COMMD10: variants seen among roughly 807,000 people sequenced by gnomAD.
The protein encoded by COMMD10 is COMM domain-containing protein 10.
COMMD10 carries 33 observed loss-of-function variants against 28.9 expected under a neutral mutation model. The observed-to-expected ratio is 1.14, with a 90% CI of 0.87 to 1.53. COMMD10 has a LOEUF of 1.53. Among genes scored for constraint, COMMD10 ranks in the 40% most tolerant of loss-of-function variants. COMMD10 has a pLI of 0.00. For synonymous variants in COMMD10, 110 were observed against 81.7 expected, an observed-to-expected ratio of 1.35 and a Z score of -1.87; for missense variants, 310 against 233.4, an observed-to-expected ratio of 1.33 and a Z score of -2.14.
intron 5 of COMMD10, among the ~76,000 whole-genome samples, chr5:116,149,145 G>T (rs1463463582): frequency 1.4e-5 from 2 of 147,606 alleles, no homozygotes; most frequent in Non-Finnish European, 3.0e-5. Flanking sequence ...TGAGAATGAT[G>T]ATATCCAATT....
At chr5:116,259,655 A>G (rs1750388149) in intron 5 of COMMD10, among the ~76,000 whole-genome samples, 1 of 151,896 alleles carries the variant, frequency 6.6e-6, no homozygotes, top group Non-Finnish European at 1.5e-5. Flanking sequence ...TGTACTATGT[A>G]GATTCTCATT....
At chr5:116,151,183 C>A (rs1273516585) in intron 5 of COMMD10, among the ~76,000 whole-genome samples, 1 of 151,612 alleles carries the variant, frequency 6.6e-6, no homozygotes, top group Non-Finnish European at 1.5e-5. Context: ...GTATATTGAA[C>A]CAGCCTTGCA....
chr5:116,226,839 T>C (rs141080369), intron 5 of COMMD10, among the ~76,000 whole-genome samples: 64 of 152,318 alleles, frequency 4.2e-4, no homozygotes, highest in Non-Finnish European at 5.0e-4. Context: ...TCCTATTTTC[T>C]GTTAAAGTTG....
chr5:116,192,506 T>G (rs1335651280), intron 5 of COMMD10, among the ~76,000 whole-genome samples: 1 of 152,004 alleles, frequency 6.6e-6, no homozygotes, highest in Admixed American at 6.6e-5. Context: ...TTGGACAAAC[T>G]TATAGAAATG....
At chr5:116,251,313 T>G (rs1446342394) in intron 5 of COMMD10, among the ~76,000 whole-genome samples, 2 of 149,468 alleles carry the variant, frequency 1.3e-5, no homozygotes, top group East Asian at 3.9e-4. Context: ...TTATTATACT[T>G]TAAGTTTTAG....
chr5:116,181,667 C>T (rs1183039818), intron 5 of COMMD10, among the ~76,000 whole-genome samples: 1 of 151,802 alleles, frequency 6.6e-6, no homozygotes, highest in Non-Finnish European at 1.5e-5. Flanking sequence ...AAGGACCATA[C>T]TTTGAGAATC....
intron 5 of COMMD10, among the ~76,000 whole-genome samples, chr5:116,205,305 A>G (rs143077621): frequency 6.6e-6 from 1 of 152,286 alleles, no homozygotes; most frequent in African/African-American, 2.4e-5. Flanking sequence ...ATATAAAAGA[A>G]TTCTGCAGTC....
chr5:116,086,403 C>T (rs1195205630), intron 1 of COMMD10, among the ~76,000 whole-genome samples: 2 of 152,156 alleles, frequency 1.3e-5, no homozygotes, highest in Non-Finnish European at 2.9e-5. Context: ...AGGAAAGGTG[C>T]TGTGGCTCAT....
chr5:116,242,853 A>G lies in COMMD10; in HGVS notation c.511-48664A>G, dbSNP rs192273127. Among the ~76,000 whole-genome samples, 46 of 152,256 alleles carry G rather than the reference A, an allele frequency of 3.0e-4. 1 individual carries two copies. Among genetic ancestry groups the G allele is most frequent in the African/African-American group, 8.2e-4 (34 of 41,552 alleles). On this transcript the variant is annotated intron_variant, in intron 5 of 6. Coordinates refer to ENST00000274458, the MANE Select transcript of COMMD10 (RefSeq NM_016144.4). Reference sequence around the variant, plus strand: ...GTATTAAGCTAATATAAGAAAAGTAAATAATAATCGTTGGATAGGCTTCAA... The same window carrying G: ...GTATTAAGCTAATATAAGAAAAGTAGATAATAATCGTTGGATAGGCTTCAA...
At chr5:116,196,258 C>A (rs1184579887) in intron 5 of COMMD10, among the ~76,000 whole-genome samples, 1 of 152,038 alleles carries the variant, frequency 6.6e-6, no homozygotes, top group Non-Finnish European at 1.5e-5. Flanking sequence ...GGAAAACCGA[C>A]CATTGTGCGT....
chr5:116,127,900 A>G (rs1325117867), intron 4 of COMMD10, among the ~76,000 whole-genome samples: 3 of 152,136 alleles, frequency 2.0e-5, no homozygotes, highest in Admixed American at 1.3e-4. Flanking sequence ...CGTTGTGCAC[A>G]TGTACCCTAG....
At chr5:116,217,336 G>T (rs937617637) in intron 5 of COMMD10, among the ~76,000 whole-genome samples, 1 of 152,106 alleles carries the variant, frequency 6.6e-6, no homozygotes, top group Non-Finnish European at 1.5e-5. Flanking sequence ...TTCTTCAATG[G>T]ACTACCGAAA....
intron 3 of COMMD10, among the ~76,000 whole-genome samples, chr5:116,091,783 C>G (rs1469372078): frequency 6.6e-6 from 1 of 152,144 alleles, no homozygotes; most frequent in African/African-American, 2.4e-5. Flanking sequence ...TTTTGTGTAT[C>G]TTATATAAGC....
chr5:116,150,448 AGTATGG>A (rs969219388), intron 5 of COMMD10, among the ~76,000 whole-genome samples: 1 of 152,162 alleles, frequency 6.6e-6, no homozygotes, highest in Non-Finnish European at 1.5e-5. Context: ...TACCTTGGGA[AGTATGG>A]CTATTTTCAT....
chr5:116,155,092 T>C (rs6594955), intron 5 of COMMD10, among the ~76,000 whole-genome samples: 128,166 of 152,142 alleles, frequency 0.84, 54,323 homozygotes, highest in African/African-American at 0.92. Flanking sequence ...CCTGGAAACA[T>C]ATGAGACCTT....
intron 2 of COMMD10, among the ~76,000 whole-genome samples, chr5:116,089,672 C>T (rs555720092): frequency 9.9e-5 from 15 of 152,194 alleles, no homozygotes; most frequent in African/African-American, 3.6e-4. Flanking sequence ...GAATGCTTTG[C>T]CATCAGAGGT....
At position 116,087,444 on chromosome 5, in the gene COMMD10, G is replaced by T. The variant is rs1414285507; in HGVS notation, c.42-53G>T. ...AAACTTATAGACAACTATAGAAAGT[G>T]CAGTTCAACTTGGAAAACTCATTTC... On this transcript the variant is annotated intron_variant, in intron 1 of 6. Transcript: ENST00000274458. 4.0e-6 allele frequency: 4 copies of T among 1,009,478 alleles called. 1 individual carries two copies. Among genetic ancestry groups the T allele is most frequent in the African/African-American group, 1.6e-5 (1 of 63,246 alleles). 62.5% of individuals were successfully genotyped at this position (1,009,478 alleles called of 1,614,324 possible).
intron 5 of COMMD10, among the ~76,000 whole-genome samples, chr5:116,201,189 G>T (rs1748657005): frequency 1.3e-5 from 2 of 152,144 alleles, no homozygotes; most frequent in Non-Finnish European, 2.9e-5. Flanking sequence ...AACAGGTTAA[G>T]CTCTGTTTAA....
At chr5:116,087,686 A>T in intron 2 of COMMD10, 99 bp downstream of exon 2, 1 of 782,738 alleles carries the variant, frequency 1.3e-6, no homozygotes, top group East Asian at 2.6e-5. Context: ...GTGTTCTCCA[A>T]TATGTTCTTA....
Sources: gnomAD v4.1 joint callset for allele counts (sites outside exome capture counted in the v4.1 genomes callset) on GRCh38, gnomAD v4.1.1 for gene constraint, MANE v1.5 for transcripts, NCBI Gene and HGNC (gene_info 2026-07-23, HGNC 2026-07-21) for gene names.